IL13RA1: variants seen among roughly 807,000 people sequenced by gnomAD.
IL13RA1 encodes interleukin-13 receptor subunit alpha-1.
Under a neutral mutation model 33.8 loss-of-function variants are expected in IL13RA1, and 14 were observed. That is an observed-to-expected ratio of 0.41 (90% confidence interval 0.27 to 0.65). The LOEUF (loss-of-function observed/expected upper bound fraction) is 0.65, where lower values mean the gene tolerates loss of function less well. Among genes scored for constraint, IL13RA1 ranks in the 30% least tolerant of loss-of-function variants. IL13RA1 has a pLI of 0.28. For missense variants in IL13RA1, 313 were observed against 327.0 expected (o/e 0.96, Z 0.33); for synonymous variants, 116 against 115.7 (o/e 1.00, Z -0.02).
intron 4 of IL13RA1, among the ~76,000 whole-genome samples, chrX:118,757,500 G>A (rs2147380155): frequency 1.1e-5 from 1 of 92,966 alleles, no homozygotes; most frequent in East Asian, 3.6e-4. Flanking sequence ...CTCCAGCCTG[G>A]GCAGACAGAG....
intron 9 of IL13RA1, among the ~76,000 whole-genome samples, chrX:118,774,843 A>C (rs947009692): frequency 2.7e-5 from 3 of 111,673 alleles, no homozygotes; most frequent in Non-Finnish European, 5.6e-5. Context: ...ATCCAGAACC[A>C]ATATTTTATC....
At chrX:118,790,476 T>A (rs2017963837) in intron 10 of IL13RA1, among the ~76,000 whole-genome samples, 1 of 112,082 alleles carries the variant, frequency 8.9e-6, no homozygotes, top group Non-Finnish European at 1.9e-5. Flanking sequence ...TGTGACATGT[T>A]TTCATTTCTC....
chrX:118,796,655 A>C (rs2147410408), downstream of IL13RA1, among the ~76,000 whole-genome samples: 1 of 111,483 alleles, frequency 9.0e-6, no homozygotes, highest in East Asian at 2.8e-4. Flanking sequence ...CTCCTGCCTC[A>C]GCCCCCCAAG....
At chrX:118,804,458 A>G in the IL13RA1 span, among the ~76,000 whole-genome samples, 2 of 109,510 alleles carry the variant, frequency 1.8e-5, no homozygotes, top group East Asian at 5.8e-4. Context: ...TAATATGTCT[A>G]CGGAATGTTT....
At chrX:118,756,009 G>GTT (rs112607985) in intron 4 of IL13RA1, among the ~76,000 whole-genome samples, 1 of 104,799 alleles carries the variant, frequency 9.5e-6, no homozygotes, top group Non-Finnish European at 2.0e-5. Context: ...TTAGCTCTGA[G>GTT]TTTTTTTTTT....
At chrX:118,768,321 T>A (rs1265356237) in intron 8 of IL13RA1, among the ~76,000 whole-genome samples, 1 of 112,047 alleles carries the variant, frequency 8.9e-6, no homozygotes, top group East Asian at 2.8e-4. Context: ...CATCTCACAG[T>A]TTCGGTGAGT....
downstream of IL13RA1, among the ~76,000 whole-genome samples, chrX:118,797,084 G>A (rs2018036475): frequency 8.9e-6 from 1 of 111,994 alleles, no homozygotes; most frequent in Non-Finnish European, 1.9e-5. Flanking sequence ...AGACAGTGAT[G>A]TATAATCCCA....
the IL13RA1 span, among the ~76,000 whole-genome samples, chrX:118,803,562 G>A: frequency 1.8e-5 from 2 of 111,902 alleles, no homozygotes; most frequent in Admixed American, 9.5e-5. Context: ...CAATTATCTA[G>A]TCAGTGTTTA....
At chrX:118,784,090 A>AAAATATATATATATAT (rs1556372973) in intron 10 of IL13RA1, among the ~76,000 whole-genome samples, 1 of 63,959 alleles carries the variant, frequency 1.6e-5, no homozygotes, top group Admixed American at 2.6e-4. Flanking sequence ...AAAAAAAAAA[A>AAAATATATATATATAT]ATATATATAT....
At chrX:118,755,243 C>T (rs2017517442) in intron 4 of IL13RA1, among the ~76,000 whole-genome samples, 1 of 111,380 alleles carries the variant, frequency 9.0e-6, no homozygotes, top group Non-Finnish European at 1.9e-5. Context: ...CCCATGGCGC[C>T]TGGCCTGGAG....
intron 10 of IL13RA1, among the ~76,000 whole-genome samples, chrX:118,780,971 A>G (rs755576558): frequency 3.6e-5 from 4 of 112,356 alleles, no homozygotes; most frequent in African/African-American, 1.3e-4. Flanking sequence ...TTATTTAGTT[A>G]TGGCCATGAA....
intron 4 of IL13RA1, among the ~76,000 whole-genome samples, chrX:118,752,546 C>T (rs753483087): frequency 1.8e-5 from 2 of 111,954 alleles, no homozygotes; most frequent in Non-Finnish European, 1.9e-5. Context: ...ACATGTGTCC[C>T]TTCCTCTTGT....
rs765835021 is a variant in IL13RA1, at chrX:118,757,678, C to CTTTTTTT, written c.489-353_489-347dup. ...TCTCAGTCATTAAAAAGAATTCTGC[C>CTTTTTTT]TTTTTTTTTTTTTTTTTTTTTTTTT... On this transcript the variant is annotated intron_variant, in intron 4 of 10. Coordinates refer to ENST00000371666, the MANE Select transcript of IL13RA1 (RefSeq NM_001560.3). Among the ~76,000 whole-genome samples, 23 of 58,357 alleles carry CTTTTTTT rather than the reference C, an allele frequency of 3.9e-4. 3 individuals carry two copies. The highest frequency in any genetic ancestry group is 4.6e-4 in the Non-Finnish European group (15 of 32,461). The allele number at this position is 58,357 out of a possible 115,157, so 50.7% of individuals were successfully genotyped here.
At chrX:118,731,577 CAAAA>C (rs371387309) in intron 1 of IL13RA1, among the ~76,000 whole-genome samples, 2 of 53,667 alleles carry the variant, frequency 3.7e-5, no homozygotes, top group Non-Finnish European at 3.5e-5. Context: ...ACTCCGTCTC[CAAAA>C]AAAAAAAAAA....
intron 6 of IL13RA1, among the ~76,000 whole-genome samples, chrX:118,762,352 C>G (rs984832095): frequency 8.9e-6 from 1 of 112,517 alleles, no homozygotes; most frequent in African/African-American, 3.2e-5. Context: ...GACTGCACCA[C>G]TCACTTGTCT....
intron 1 of IL13RA1, among the ~76,000 whole-genome samples, chrX:118,733,277 A>C (rs1238025903): frequency 9.0e-6 from 1 of 111,485 alleles, no homozygotes; most frequent in East Asian, 2.8e-4. Context: ...CGGGGTTTGA[A>C]TTTTTCCATA....
intron 10 of IL13RA1, among the ~76,000 whole-genome samples, chrX:118,777,194 A>G (rs765154369): frequency 1.0e-4 from 11 of 109,707 alleles, no homozygotes; most frequent in African/African-American, 3.6e-4. Flanking sequence ...TCTTGTCTCT[A>G]TGAATTAAAT....
chrX:118,750,087 A>G (rs1464482052), intron 4 of IL13RA1, among the ~76,000 whole-genome samples: 1 of 111,776 alleles, frequency 8.9e-6, no homozygotes, highest in Non-Finnish European at 1.9e-5. Context: ...GAAAATTGGC[A>G]TTGGTACAAT....
intron 5 of IL13RA1, chrX:118,758,912 G>A (rs2017562556): frequency 1.8e-5 from 2 of 111,777 alleles, no homozygotes; most frequent in African/African-American, 6.5e-5. Flanking sequence ...TTCAACATGA[G>A]TTTGGGAGAA....
Sources: gnomAD v4.1 joint callset for allele counts (sites outside exome capture counted in the v4.1 genomes callset) on GRCh38, gnomAD v4.1.1 for gene constraint, MANE v1.5 for transcripts, NCBI Gene and HGNC (gene_info 2026-07-23, HGNC 2026-07-21) for gene names.